The following LPIN1 variants were observed in gnomAD, a reference collection of about 807,000 sequenced individuals.
The protein encoded by LPIN1 is phosphatidate phosphatase LPIN1.
LPIN1 carries 71 observed loss-of-function variants against 107.5 expected under a neutral mutation model. The ratio of observed to expected loss-of-function variants is 0.66; its 90% CI spans 0.55 to 0.80. LPIN1 has a LOEUF of 0.80. Among genes scored for constraint, LPIN1 ranks in the 30% least tolerant of loss-of-function variants. The probability of loss-of-function intolerance (pLI) is 0.00; values close to 1 mark genes in which losing one functional copy is unlikely to be tolerated. For synonymous variants in LPIN1, 445 were observed against 452.6 expected, an observed-to-expected ratio of 0.98 and a Z score of 0.21; for missense variants, 1,043 against 1,160.6, an observed-to-expected ratio of 0.90 and a Z score of 1.47.
intron 1 of LPIN1, among the ~76,000 whole-genome samples, chr2:11,761,835 C>T (rs1669881786): frequency 6.6e-6 from 1 of 152,134 alleles, no homozygotes. Context: ...AACAAACAAA[C>T]CATACAATTT....
chr2:11,773,871 G>T (rs1004928833), intron 5 of LPIN1, 126 bp downstream of exon 5: 26 of 1,081,046 alleles, frequency 2.4e-5, no homozygotes, highest in Non-Finnish European at 1.8e-5. Flanking sequence ...AAAACACGGT[G>T]TAGAGTCGGA....
In LPIN1 at chr2:11,815,181, G is replaced by T; in HGVS notation, c.2343G>T (p.Thr781=). The change falls in exon 18 of 21, where the codon ACG becomes ACT. Residue 781 remains threonine (T), a synonymous_variant. Transcript: ENST00000674199. ...GYLHWVNERG[T]VLPQGPLLLS... ...TGCACTGGGTCAACGAGAGGGGCAC[G>T]GTGCTGCCCCAGGGGCCCCTGCTGC... The T allele has an allele frequency of 1.2e-6, 2 of 1,614,094 alleles. No individual in the cohort carries two copies. Among genetic ancestry groups the T allele is most frequent in the Non-Finnish European group, 1.7e-6 (2 of 1,179,952 alleles).
intron 13 of LPIN1, among the ~76,000 whole-genome samples, chr2:11,792,583 A>G (rs1675958706): frequency 6.6e-6 from 1 of 152,046 alleles, no homozygotes; most frequent in Non-Finnish European, 1.5e-5. Flanking sequence ...GGGTTTTGCC[A>G]TGTTGCCCAG....
At chr2:11,703,772 T>A (rs1663001189) in intron 1 of LPIN1, among the ~76,000 whole-genome samples, 1 of 152,224 alleles carries the variant, frequency 6.6e-6, no homozygotes, top group Admixed American at 6.5e-5. Flanking sequence ...ACATGTTCTA[T>A]TCTAGTTATC....
chr2:11,724,658 G>A, intron 1 of LPIN1: 1 of 985,110 alleles, frequency 1.0e-6, no homozygotes, highest in Non-Finnish European at 1.2e-6. Context: ...GGGCAGGCAG[G>A]GAGGGTGGGG....
At chr2:11,718,926 G>A (rs758467519) in intron 2 of LPIN1, among the ~76,000 whole-genome samples, 7 of 152,200 alleles carry the variant, frequency 4.6e-5, no homozygotes, top group Non-Finnish European at 1.0e-4. Flanking sequence ...GGCTAAGGAC[G>A]CAAGGAGTGG....
At chr2:11,756,149 T>C (rs1437159105) in intron 1 of LPIN1, among the ~76,000 whole-genome samples, 2 of 152,238 alleles carry the variant, frequency 1.3e-5, no homozygotes, top group African/African-American at 4.8e-5. Flanking sequence ...GTCTTATATA[T>C]AATTAGATGT....
chr2:11,724,287 CA>C, upstream of LPIN1: 1 of 940,080 alleles, frequency 1.1e-6, no homozygotes, highest in Non-Finnish European at 1.3e-6. Flanking sequence ...CCGTGGGGGG[CA>C]TCAGAATCCT....
intron 18 of LPIN1, chr2:11,816,971 G>A (rs933772476): frequency 6.6e-6 from 1 of 150,432 alleles, no homozygotes; most frequent in African/African-American, 2.5e-5. Flanking sequence ...CTGTGTCCAT[G>A]TGTTCTCATT....
intron 1 of LPIN1, among the ~76,000 whole-genome samples, chr2:11,752,359 T>A (rs1667926819): frequency 6.6e-6 from 1 of 151,922 alleles, no homozygotes; most frequent in Admixed American, 6.6e-5. Context: ...TGAATATCTC[T>A]CTCATATATT....
intron 2 of LPIN1, among the ~76,000 whole-genome samples, chr2:11,714,315 GC>G (rs2148526781): frequency 6.6e-6 from 1 of 152,334 alleles, no homozygotes; most frequent in East Asian, 1.9e-4. Context: ...CTTTGGTGCA[GC>G]CCCTTCAGCA....
chr2:11,799,354 T>A (rs1396051172), intron 14 of LPIN1, among the ~76,000 whole-genome samples: 2 of 151,962 alleles, frequency 1.3e-5, no homozygotes, highest in Non-Finnish European at 2.9e-5. Context: ...AGAGCTTTGC[T>A]TCACATTTGG....
rs746047034 is a variant in LPIN1 at position 11,707,662 on chromosome 2, C to T, written c.82-6094C>T. ...TGGTGCACGCACGGGGAGAAGTGCTCGGGGTCCCCCACTGGAGGTGGAGCT... is the reference window on the plus strand; with the variant it reads ...TGGTGCACGCACGGGGAGAAGTGCTTGGGGTCCCCCACTGGAGGTGGAGCT... On this transcript the variant is annotated intron_variant, in intron 1 of 21. Transcript: ENST00000449576. The surrounding 1 kb of genome is among the most constrained non-coding windows in gnomAD (Gnocchi z 4.2). Among the ~76,000 whole-genome samples, 98 of 152,194 alleles carry T rather than the reference C, an allele frequency of 6.4e-4. No individual in the cohort carries two copies. Among genetic ancestry groups the T allele is most frequent in the Non-Finnish European group, 1.1e-3 (77 of 67,986 alleles).
chr2:11,776,979 A>G (rs74858862), intron 6 of LPIN1, among the ~76,000 whole-genome samples: 3,419 of 152,364 alleles, frequency 0.022, 147 homozygotes, highest in African/African-American at 0.078. Flanking sequence ...AAATGAGGAA[A>G]ACAAAGTTGT....
intron 17 of LPIN1, among the ~76,000 whole-genome samples, chr2:11,811,910 G>A (rs1208697648): frequency 1.3e-5 from 2 of 152,146 alleles, no homozygotes; most frequent in Admixed American, 6.5e-5. Context: ...GCTTGAACCC[G>A]GGAGGCGGAG....
Position 11,786,545 on chromosome 2 carries a change from T to C in LPIN1, c.1550-529T>C, listed in dbSNP as rs1487252564. Among the ~76,000 whole-genome samples, 1 of 152,102 alleles carries C rather than the reference T, an allele frequency of 6.6e-6. No individual in the cohort carries two copies. Among genetic ancestry groups the C allele is most frequent in the Admixed American group, 6.5e-5 (1 of 15,284 alleles). ...TGATGAGAACAGTGCCCTGCCTGCT[T>C]CTGATTGTGGTGGAGGCAGCCCCAT... On this transcript the variant is annotated intron_variant, in intron 10 of 20. Transcript: ENST00000674199. The surrounding 1 kb of genome is among the most constrained non-coding windows in gnomAD (Gnocchi z 4.1).
intron 3 of LPIN1, 78 bp downstream of exon 3, chr2:11,767,936 T>C (rs1671196069): frequency 1.0e-6 from 1 of 961,120 alleles, no homozygotes; most frequent in African/African-American, 1.6e-5. Context: ...ACGGCAGAAG[T>C]TTGTGCAAAG....
intron 10 of LPIN1, 24 bp from the exon 11 acceptor site, chr2:11,787,050 G>C (rs1202634425): frequency 1.9e-6 from 3 of 1,545,462 alleles, no homozygotes; most frequent in South Asian, 1.1e-5. Context: ...GTTTTTCCCT[G>C]ATCCTCTGCA....
chr2:11,809,042 G>T (rs1412168483), intron 17 of LPIN1, among the ~76,000 whole-genome samples: 1 of 151,774 alleles, frequency 6.6e-6, no homozygotes, highest in Non-Finnish European at 1.5e-5. Flanking sequence ...TTGTCACCTT[G>T]TTCATAGAGA....
Sources: gnomAD v4.1 joint callset for allele counts (sites outside exome capture counted in the v4.1 genomes callset) on GRCh38, gnomAD v4.1.1 for gene constraint, Gnocchi (gnomAD v3.1) non-coding constraint, MANE v1.5 for transcripts, NCBI Gene and HGNC (gene_info 2026-07-23, HGNC 2026-07-21) for gene names.